The following NSG1 variants were observed in gnomAD, a reference collection of about 807,000 sequenced individuals.
NSG1 encodes neuronal vesicle trafficking associated 1.
A neutral mutation model predicts 19.3 loss-of-function variants in NSG1; 9 were observed. The observed-to-expected ratio is 0.47, with a 90% CI of 0.28 to 0.81. The LOEUF (loss-of-function observed/expected upper bound fraction) is 0.81. Ranked by LOEUF, NSG1 falls within the 40% of genes least tolerant of loss-of-function variation. The probability of loss-of-function intolerance (pLI) is 0.11; values close to 1 mark genes in which losing one functional copy is unlikely to be tolerated. For synonymous variants in NSG1, 104 were observed against 107.0 expected (o/e 0.97, Z 0.17); for missense variants, 236 against 242.4 (o/e 0.97, Z 0.18).
intron 2 of NSG1, among the ~76,000 whole-genome samples, chr4:4,389,460 G>A (rs1722894727): frequency 6.6e-6 from 1 of 152,092 alleles, no homozygotes; most frequent in East Asian, 1.9e-4. Context: ...TTTTCCAGAA[G>A]GCTTCTAAGG....
chr4:4,387,643 G>C lies in NSG1; in HGVS notation c.14G>C (p.Gly5Ala). The change falls in exon 2 of 5, where the codon GGG (glycine) becomes GCG (alanine). Residue 5 changes from glycine to alanine, a missense_variant. Coordinates refer to ENST00000621129, the MANE Select transcript of NSG1 (RefSeq NM_014392.5). The stretch of plus-strand genomic sequence containing the variant: ...GCTCCCGGAACGATGGTGAAGTTGG[G>C]GAACAATTTCGCAGAGAAGGGCACC... MVKL[G>A]NNFAEKGTKQ... is the part of the protein sequence containing the mutation. 2 of 1,613,252 alleles carry C rather than the reference G, an allele frequency of 1.2e-6. No individual in the cohort carries two copies. The highest frequency in any genetic ancestry group is 2.2e-5 in the South Asian group (2 of 91,050).
Position 4,391,001 on chromosome 4 carries a change from G to A in NSG1, c.130-474G>A, listed in dbSNP as rs189929491. On this transcript the variant is annotated intron_variant, in intron 2 of 4. Coordinates refer to ENST00000621129, the MANE Select transcript of NSG1 (RefSeq NM_014392.5). ...GGATCTGTTTCCAGACAAGCTGGTG[G>A]CCAGCTTCTCCAGCCAGTCCTGGAG... Among the ~76,000 whole-genome samples, 21 of 152,272 alleles carry A rather than the reference G, an allele frequency of 1.4e-4. No homozygotes were observed. The East Asian group carries it at 3.9e-3, about 28-fold the overall frequency.
rs930797720 is a variant in NSG1 at position 4,409,857 on chromosome 4, C to T, written c.357+174C>T. 1.8e-4 allele frequency among the ~76,000 whole-genome samples: 28 copies of T among 152,336 alleles called. 1 individual carries two copies. Among genetic ancestry groups the T allele is most frequent in the African/African-American group, 6.3e-4 (26 of 41,574 alleles). On this transcript the variant is annotated intron_variant, in intron 4 of 4. Coordinates refer to ENST00000621129, the MANE Select transcript of NSG1 (RefSeq NM_014392.5). ...TGGAAGGCCCACCTGGAGAGCAGGGCAGGTAGGCAGGGGGCACATGAGACC... is the reference window on the plus strand; with the variant it reads ...TGGAAGGCCCACCTGGAGAGCAGGGTAGGTAGGCAGGGGGCACATGAGACC...
At chr4:4,406,296 G>C (rs1057444150) in intron 3 of NSG1, among the ~76,000 whole-genome samples, 2 of 152,152 alleles carry the variant, frequency 1.3e-5, no homozygotes, top group African/African-American at 4.8e-5. Context: ...CAAAGTGTTG[G>C]GATTACAGGC....
chr4:4,411,648 G>A (rs932757820), intron 4 of NSG1, among the ~76,000 whole-genome samples: 1 of 152,196 alleles, frequency 6.6e-6, no homozygotes, highest in Non-Finnish European at 1.5e-5. Context: ...GGAGGCTGAG[G>A]CAGGAGAATC....
intron 4 of NSG1, among the ~76,000 whole-genome samples, chr4:4,412,619 A>G (rs1488506904): frequency 6.6e-6 from 1 of 152,118 alleles, no homozygotes. Context: ...TCCTCCCTCC[A>G]TATTTGTGCG....
intron 3 of NSG1, among the ~76,000 whole-genome samples, chr4:4,405,993 C>T (rs1723832625): frequency 6.6e-6 from 1 of 152,174 alleles, no homozygotes; most frequent in African/African-American, 2.4e-5. Context: ...ACTGGAGAAA[C>T]AGGTTTAATG....
At chr4:4,410,255 T>G (rs1198215089) in intron 4 of NSG1, among the ~76,000 whole-genome samples, 1 of 152,190 alleles carries the variant, frequency 6.6e-6, no homozygotes, top group Non-Finnish European at 1.5e-5. Flanking sequence ...AATGCTCGCT[T>G]TGCATATATA....
At chr4:4,404,428 C>G (rs1004844562) in intron 3 of NSG1, among the ~76,000 whole-genome samples, 5 of 152,238 alleles carry the variant, frequency 3.3e-5, no homozygotes, top group African/African-American at 1.2e-4. Context: ...TCACAGGAAA[C>G]CAGGCGTTGG....
intron 4 of NSG1, 148 bp downstream of exon 4, chr4:4,409,831 G>A: frequency 1.5e-6 from 1 of 662,846 alleles, no homozygotes; most frequent in South Asian, 1.8e-5. Flanking sequence ...GAGTGTCCCT[G>A]TGGAAGGCCC....
At chr4:4,391,994 A>AC (rs1723018583) in intron 3 of NSG1, among the ~76,000 whole-genome samples, 1 of 152,216 alleles carries the variant, frequency 6.6e-6, no homozygotes, top group African/African-American at 2.4e-5. Flanking sequence ...CCAGCCCTTT[A>AC]CCTAGTGAGC....
rs1195418638 is a variant in NSG1 at position 4,391,468 on chromosome 4, G to C, written c.130-7G>C. On this transcript the variant is annotated splice_region_variant and splice_polypyrimidine_tract_variant and intron_variant, in intron 2 of 4. Transcript: ENST00000621129. Reference sequence around the variant, plus strand: ...TCTGACTTTTGTTTCTCTGTTTCCTGGATAAGGTGGTCGTGAAAACTAAGA... The same window carrying C: ...TCTGACTTTTGTTTCTCTGTTTCCTCGATAAGGTGGTCGTGAAAACTAAGA... 9 of 1,598,790 alleles carry C rather than the reference G, an allele frequency of 5.6e-6. No homozygotes were observed. Among genetic ancestry groups the C allele is most frequent in the Non-Finnish European group, 7.7e-6 (9 of 1,170,074 alleles).
intron 3 of NSG1, among the ~76,000 whole-genome samples, chr4:4,401,553 T>C (rs1415681424): frequency 6.6e-6 from 1 of 152,054 alleles, no homozygotes; most frequent in Non-Finnish European, 1.5e-5. Context: ...CATGGACACC[T>C]CCTCCCAGAA....
In NSG1 at chr4:4,402,371, ATTTTTTTTTTTTTT is replaced by A. The variant is rs1161754574; in HGVS notation, c.247-7181_247-7168del. On this transcript the variant is annotated intron_variant, in intron 3 of 4. Coordinates refer to ENST00000621129, the MANE Select transcript of NSG1 (RefSeq NM_014392.5). The stretch of plus-strand genomic sequence containing the variant: ...TAGACACGCAGCACCACGCCTGGTT[ATTTTTTTTTTTTTT>A]TTTTTTTTTTTTTTTTTTTTGAGAC... 1.0e-2 allele frequency among the ~76,000 whole-genome samples: 539 copies of A among 53,942 alleles called. 6 individuals carry two copies. Among genetic ancestry groups the A allele is most frequent in the African/African-American group, 0.029 (476 of 16,504 alleles). The allele number at this position is 53,942 out of a possible 152,430, so 35.4% of individuals were successfully genotyped here. A position where few individuals can be genotyped will look rare whatever the true frequency, so the allele number is the denominator to read the frequency against.
chr4:4,416,680 C>T (rs1724563636), intron 4 of NSG1, among the ~76,000 whole-genome samples: 1 of 152,076 alleles, frequency 6.6e-6, no homozygotes, highest in South Asian at 2.1e-4. Flanking sequence ...ACGGCCCCTC[C>T]CTACCCCCTC....
chr4:4,410,457 C>A (rs1449912688), intron 4 of NSG1, among the ~76,000 whole-genome samples: 2 of 152,320 alleles, frequency 1.3e-5, no homozygotes, highest in Non-Finnish European at 2.9e-5. Context: ...GTCCTGTACA[C>A]CCACGCGGCC....
rs896542931 is a variant in NSG1 at position 4,398,017 on chromosome 4, G to T, written c.246+6426G>T. Reference sequence around the variant, plus strand: ...CACCCAGGCTGGAGTGCAGTGGCACGATCTCGGCTCACTGCAACCTCCACC... The same window carrying T: ...CACCCAGGCTGGAGTGCAGTGGCACTATCTCGGCTCACTGCAACCTCCACC... On this transcript the variant is annotated intron_variant, in intron 3 of 4. Coordinates refer to ENST00000621129, the MANE Select transcript of NSG1 (RefSeq NM_014392.5). 3.9e-5 allele frequency among the ~76,000 whole-genome samples: 6 copies of T among 151,984 alleles called. No homozygotes were observed. The South Asian group carries it at 6.2e-4, about 16-fold the overall frequency.
At chr4:4,394,824 G>A (rs1293830082) in intron 3 of NSG1, among the ~76,000 whole-genome samples, 1 of 152,202 alleles carries the variant, frequency 6.6e-6, no homozygotes, top group East Asian at 1.9e-4. Flanking sequence ...GTGGGTCCTT[G>A]CTTGTTGAGT....
At chr4:4,416,683 A>C in intron 4 of NSG1, among the ~76,000 whole-genome samples, 1 of 147,258 alleles carries the variant, frequency 6.8e-6, no homozygotes, top group Non-Finnish European at 1.5e-5. Context: ...GCCCCTCCCT[A>C]CCCCCTCGCC....
Sources: allele counts gnomAD v4.1 joint callset (sites outside exome capture counted in the v4.1 genomes callset), GRCh38; gene constraint gnomAD v4.1.1; transcripts MANE v1.5; gene names NCBI Gene and HGNC (gene_info 2026-07-23, HGNC 2026-07-21).